SMC4: variants seen among roughly 807,000 people sequenced by gnomAD.
SMC4 encodes structural maintenance of chromosomes 4, also known as structural maintenance of chromosomes protein 4.
Under a neutral mutation model 145.6 loss-of-function variants are expected in SMC4, and 87 were observed. The observed-to-expected ratio is 0.60, with a 90% CI of 0.50 to 0.71. The LOEUF (loss-of-function observed/expected upper bound fraction) is 0.71. SMC4 is among the 30% of genes least tolerant of loss of function. SMC4 has a pLI of 0.00. For synonymous variants in SMC4, 558 were observed against 500.7 expected, an observed-to-expected ratio of 1.11 and a Z score of -1.53; for missense variants, 1,447 against 1,537.1, an observed-to-expected ratio of 0.94 and a Z score of 0.98.
At chr3:160,428,120 G>A (rs2108499269) in intron 17 of SMC4, among the ~76,000 whole-genome samples, 1 of 152,288 alleles carries the variant, frequency 6.6e-6, no homozygotes, top group South Asian at 2.1e-4. Context: ...CTCTAACTTC[G>A]TTACAGAAAA....
chr3:160,431,294 CTTAAA>C (rs1718377711), intron 20 of SMC4, 89 bp downstream of exon 20: 1 of 1,139,758 alleles, frequency 8.8e-7, no homozygotes, highest in Non-Finnish European at 1.2e-6. Context: ...GGTTGGGGTT[CTTAAA>C]TTTTGTTTGT....
intron 1 of SMC4, 107 bp from the exon 2 acceptor site, chr3:160,400,714 TG>T: frequency 2.3e-6 from 3 of 1,305,280 alleles, no homozygotes; most frequent in Non-Finnish European, 2.0e-6. Flanking sequence ...CTAAGCGGAG[TG>T]TTAAGCGGGG....
intron 9 of SMC4, among the ~76,000 whole-genome samples, chr3:160,415,661 G>A (rs1429741013): frequency 6.6e-6 from 1 of 152,206 alleles, no homozygotes; most frequent in Non-Finnish European, 1.5e-5. Context: ...GATAATCAGA[G>A]TAAACAAAAT....
At chr3:160,406,405 T>G (rs1715332226) in intron 5 of SMC4, among the ~76,000 whole-genome samples, 1 of 152,114 alleles carries the variant, frequency 6.6e-6, no homozygotes, top group South Asian at 2.1e-4. Context: ...ATGGATTGTT[T>G]TTTTTAAGTC....
rs142995371 is a variant in SMC4, at chr3:160,428,295, G to A, written c.2606-458G>A. 6.0e-3 allele frequency among the ~76,000 whole-genome samples: 916 copies of A among 152,348 alleles called. 3 individuals are homozygous for A. Among genetic ancestry groups the A allele is most frequent in the Middle Eastern group, 0.031 (9 of 294 alleles). ...TTTTACTCTTCGTTGTCACAGGAAG[G>A]AACGCTAATTCATCTTATATCCTCC... is the stretch of plus-strand genomic sequence containing the variant. On this transcript the variant is annotated intron_variant, in intron 17 of 23. Coordinates refer to ENST00000357388, the MANE Select transcript of SMC4 (RefSeq NM_001002800.3).
At chr3:160,409,294 A>G (rs1191694718) in intron 5 of SMC4, among the ~76,000 whole-genome samples, 1 of 135,734 alleles carries the variant, frequency 7.4e-6, no homozygotes, top group Non-Finnish European at 1.6e-5. Context: ...AAAAAAAAAG[A>G]CTGAATGTTA....
chr3:160,399,782 C>G (rs1054929415), intron 1 of SMC4, 33 bp downstream of exon 1: 15 of 152,450 alleles, frequency 9.8e-5, no homozygotes, highest in African/African-American at 3.4e-4. Context: ...CAGGTTGTCA[C>G]GCTCTTACTT....
intron 1 of SMC4, 170 bp from the exon 2 acceptor site, chr3:160,400,652 C>G: frequency 1.3e-6 from 1 of 784,906 alleles, no homozygotes; most frequent in Non-Finnish European, 1.9e-6. Flanking sequence ...CCAGTCCTGC[C>G]TTCTTGCCAC....
chr3:160,432,347 G>A lies in SMC4; in HGVS notation c.3362G>A (p.Arg1121Lys), dbSNP rs1718500544. 1.2e-6 allele frequency: 2 copies of A among 1,613,790 alleles called. No individual in the cohort carries two copies. Among genetic ancestry groups the A allele is most frequent in the Non-Finnish European group, 1.7e-6 (2 of 1,179,930 alleles). ...ATTACTTATGAAAGAGACAGTTTTAGACAGGCATATGAAGATCTTCGGAAA... is the reference window on the plus strand; with the variant it reads ...ATTACTTATGAAAGAGACAGTTTTAAACAGGCATATGAAGATCTTCGGAAA... The part of the protein sequence containing the change: ...DKITYERDSF[R>K]QAYEDLRKQR... Residue 1121 changes from arginine (R) to lysine (K), a missense_variant, in exon 22 of 24, where the codon AGA becomes AAA. Physicochemically the swap from Arg to Lys is conservative, Grantham distance 26. Coordinates refer to ENST00000357388, the MANE Select transcript of SMC4 (RefSeq NM_001002800.3).
intron 5 of SMC4, among the ~76,000 whole-genome samples, chr3:160,408,124 G>C (rs539634023): frequency 6.6e-6 from 1 of 152,284 alleles, no homozygotes; most frequent in South Asian, 2.1e-4. Context: ...CATATTTGCT[G>C]TAAGAATCAC....
At chr3:160,407,871 A>G (rs549021631) in intron 5 of SMC4, among the ~76,000 whole-genome samples, 2 of 152,342 alleles carry the variant, frequency 1.3e-5, no homozygotes, top group African/African-American at 4.8e-5. Flanking sequence ...ATAGATATCA[A>G]GAAGTCCAGC....
intron 2 of SMC4, 129 bp downstream of exon 2, chr3:160,401,094 G>C (rs1714572292): frequency 8.1e-7 from 1 of 1,232,686 alleles, no homozygotes. Context: ...CGGTCCGGTA[G>C]AGGCTCAGGA....
At chr3:160,413,678 A>G (rs973399766) in intron 8 of SMC4, 65 bp downstream of exon 8, 39 of 932,756 alleles carry the variant, frequency 4.2e-5, no homozygotes, top group Non-Finnish European at 6.0e-5. Context: ...ATTTATATAT[A>G]AAGTTACTTC....
At position 160,433,870 on chromosome 3, in the gene SMC4, A is replaced by C. The variant is rs1442238506; in HGVS notation, c.*61A>C. ...TATTACTGATTTTTTTCTATTTGTA[A>C]AGGATTATGAGTTGTATAAAATACA... On this transcript the variant is annotated 3_prime_UTR_variant, in exon 24 of 24. Coordinates refer to ENST00000357388, the MANE Select transcript of SMC4 (RefSeq NM_001002800.3). The C allele has an allele frequency of 7.6e-7, 1 of 1,310,960 alleles. No individual in the cohort carries two copies. The highest frequency in any genetic ancestry group is 2.4e-5 in the East Asian group (1 of 42,252). The allele number at this position is 1,310,960 out of a possible 1,614,324, so 81.2% of individuals were successfully genotyped here.
At position 160,434,072 on chromosome 3, in the gene SMC4, A is replaced by C; in HGVS notation, c.*263A>C. 3.5e-6 allele frequency: 1 copy of C among 281,862 alleles called. No homozygotes were observed. The highest frequency in any genetic ancestry group is 6.6e-6 in the Non-Finnish European group (1 of 151,870). The allele number at this position is 281,862 out of a possible 1,614,324, so 17.5% of individuals were successfully genotyped here. A position where few individuals can be genotyped will look rare whatever the true frequency, so the allele number is the denominator to read the frequency against. On this transcript the variant is annotated 3_prime_UTR_variant, in exon 24 of 24. Coordinates refer to ENST00000357388, the MANE Select transcript of SMC4 (RefSeq NM_001002800.3). ...GGGTCAGGTAACTTGCCAAACTAAA[A>C]AGTATGTTAGTTGAGGCAAAGTCCT...
rs780826467 is a variant in SMC4, at chr3:160,431,601, ATAT to A, written c.3115-38_3115-36del. On this transcript the variant is annotated intron_variant, in intron 20 of 23. Coordinates refer to ENST00000357388, the MANE Select transcript of SMC4 (RefSeq NM_001002800.3). Reference sequence around the variant, plus strand: ...TTTTTTAAACAATGAATTGTATGTAATATTATGCCTTCTCTAACTCTCCCCTAA... The same window carrying A: ...TTTTTTAAACAATGAATTGTATGTAATATGCCTTCTCTAACTCTCCCCTAA... 6.9e-5 allele frequency: 97 copies of A among 1,405,634 alleles called. No homozygotes were observed. In the African/African-American group the frequency reaches 1.1e-3, roughly 15 times the overall value. The allele number at this position is 1,405,634 out of a possible 1,614,324, so 87.1% of individuals were successfully genotyped here. A position where few individuals can be genotyped will look rare whatever the true frequency, so the allele number is the denominator to read the frequency against.
intron 11 of SMC4, 127 bp from the exon 12 acceptor site, chr3:160,419,231 T>G (rs1716907327): frequency 1.5e-6 from 1 of 649,780 alleles, no homozygotes; most frequent in Admixed American, 3.5e-5. Flanking sequence ...TGCTCAGTTT[T>G]GGTTCAAATT....
At chr3:160,412,161 T>A in intron 6 of SMC4, 77 bp downstream of exon 6, 1 of 1,509,408 alleles carries the variant, frequency 6.6e-7, no homozygotes, top group Non-Finnish European at 9.0e-7. Flanking sequence ...AGTCAGATAT[T>A]CATGTTATAA....
rs758483846 is a variant in SMC4 at position 160,420,724 on chromosome 3, C to T, written c.1858-16C>T. On this transcript the variant is annotated splice_polypyrimidine_tract_variant and intron_variant, in intron 12 of 23. Transcript: ENST00000357388. ...TTTCTGCCTAACTCTTTTTTCACCC[C>T]ACTCTTCATTATTAGGGGGACTTAG... 1.2e-6 allele frequency: 2 copies of T among 1,606,940 alleles called. No homozygotes were observed. Among genetic ancestry groups the T allele is most frequent in the African/African-American group, 1.3e-5 (1 of 74,408 alleles).
Sources: gnomAD v4.1 joint callset for allele counts (sites outside exome capture counted in the v4.1 genomes callset) on GRCh38, gnomAD v4.1.1 for gene constraint, MANE v1.5 for transcripts, NCBI Gene and HGNC (gene_info 2026-07-23, HGNC 2026-07-21) for gene names.